Variants in KIAA1671 observed in about 807,000 individuals in gnomAD.
KIAA1671 encodes KIAA1671.
KIAA1671 carries 52 observed loss-of-function variants against 131.2 expected under a neutral mutation model. The ratio of observed to expected loss-of-function variants is 0.40; its 90% CI spans 0.32 to 0.50. KIAA1671 has a LOEUF of 0.50. Ranked by LOEUF, KIAA1671 falls within the 20% of genes least tolerant of loss-of-function variation. The pLI, the probability that KIAA1671 is intolerant of heterozygous loss-of-function variation, is 0.73. For synonymous variants in KIAA1671, 1,003 were observed against 961.6 expected, an observed-to-expected ratio of 1.04 and a Z score of -0.80; for missense variants, 2,360 against 2,364.2, an observed-to-expected ratio of 1.00 and a Z score of 0.04.
chr22:25,016,308 C>T (rs1035562433), intron 1 of KIAA1671, among the ~76,000 whole-genome samples: 10 of 152,290 alleles, frequency 6.6e-5, no homozygotes, highest in South Asian at 2.1e-4. Context: ...CGTGAGCCAC[C>T]GTGCCCAGCC....
intron 1 of KIAA1671, among the ~76,000 whole-genome samples, chr22:25,002,401 A>G (rs1234252588): frequency 1.3e-5 from 2 of 152,080 alleles, no homozygotes; most frequent in Non-Finnish European, 2.9e-5. Flanking sequence ...AGCTATATAC[A>G]ATGTTAACAA....
intron 6 of KIAA1671, among the ~76,000 whole-genome samples, chr22:25,114,142 C>G (rs973666294): frequency 1.5e-4 from 23 of 152,178 alleles, no homozygotes; most frequent in African/African-American, 5.3e-4. Context: ...GTCGAGATGC[C>G]ACCAAGAGTG....
intron 6 of KIAA1671, among the ~76,000 whole-genome samples, chr22:25,138,471 CT>C (rs1932756488): frequency 6.6e-6 from 1 of 152,190 alleles, no homozygotes. Context: ...TCAACATGAT[CT>C]TTATCAATTC....
At chr22:25,190,370 C>T (rs556480773) in intron 11 of KIAA1671, among the ~76,000 whole-genome samples, 49 of 152,296 alleles carry the variant, frequency 3.2e-4, no homozygotes, top group African/African-American at 1.2e-3. Flanking sequence ...AGTGATGGAG[C>T]AGCTGTGAAT....
At chr22:25,184,698 C>T (rs1041198596) in intron 10 of KIAA1671, among the ~76,000 whole-genome samples, 2 of 152,032 alleles carry the variant, frequency 1.3e-5, no homozygotes, top group African/African-American at 4.8e-5. Context: ...GGTGGCATGC[C>T]GTGTGCTGAG....
At chr22:24,990,381 T>C (rs1381872935) in intron 1 of KIAA1671, among the ~76,000 whole-genome samples, 1 of 152,164 alleles carries the variant, frequency 6.6e-6, no homozygotes, top group Non-Finnish European at 1.5e-5. Flanking sequence ...GTGAGCCACC[T>C]TGCCTGGCCT....
At chr22:24,976,751 G>A (rs1253364409) in intron 1 of KIAA1671, among the ~76,000 whole-genome samples, 1 of 152,116 alleles carries the variant, frequency 6.6e-6, no homozygotes. Flanking sequence ...CTCTGGCTGG[G>A]CCTGAGACTG....
At chr22:25,104,958 G>T (rs1009288495) in intron 6 of KIAA1671, among the ~76,000 whole-genome samples, 56 of 152,172 alleles carry the variant, frequency 3.7e-4, no homozygotes, top group Non-Finnish European at 1.6e-4. Flanking sequence ...ACTGTCCAGG[G>T]AATGTTTGTT....
Position 25,039,904 on chromosome 22 carries a change from C to G in KIAA1671, c.2774C>G (p.Ala925Gly). Residue 925 changes from alanine (A) to glycine (G), a missense_variant, in exon 5 of 13, where the codon GCC becomes GGC. Transcript: ENST00000358431. ...GCCAGGGAGGGTGATCCAGGGCCGGCCCAGGTGCCACAGCCTGCAGTCAGA... is the reference window on the plus strand; with the variant it reads ...GCCAGGGAGGGTGATCCAGGGCCGGGCCAGGTGCCACAGCCTGCAGTCAGA... ...VAAREGDPGP[A>G]QVPQPAVRMR... The G allele has an allele frequency of 6.4e-7, 1 of 1,551,560 alleles. No homozygotes were observed. The highest frequency in any genetic ancestry group is 8.7e-7 in the Non-Finnish European group (1 of 1,146,980).
At chr22:25,108,933 CA>C (rs1431228171) in intron 6 of KIAA1671, among the ~76,000 whole-genome samples, 2 of 152,152 alleles carry the variant, frequency 1.3e-5, no homozygotes, top group African/African-American at 4.8e-5. Flanking sequence ...CTCACATGGC[CA>C]GCAACTGGTG....
At position 25,028,154 on chromosome 22, in the gene KIAA1671, G is replaced by C; in HGVS notation, c.155G>C (p.Ser52Thr). Reference sequence around the variant, plus strand: ...CCAGCCCGGATCTTGGAAGCGAAGAGCCCCCTGCGGAGCCCGGCCCGGTTA... The same window carrying C: ...CCAGCCCGGATCTTGGAAGCGAAGACCCCCCTGCGGAGCCCGGCCCGGTTA... Reference protein sequence around the residue: ...APPARILEAKSPLRSPARLLP... With the variant: ...APPARILEAKTPLRSPARLLP... The change falls in exon 3 of 13, where the codon AGC becomes ACC. Residue 52 changes from serine to threonine, a missense_variant. By Grantham distance (58) the Ser-to-Thr change is moderately conservative. Coordinates refer to ENST00000358431, the MANE Select transcript of KIAA1671 (RefSeq NM_001145206.2). 1 of 1,550,740 alleles carries C rather than the reference G, an allele frequency of 6.4e-7. No homozygotes were observed. Among genetic ancestry groups the C allele is most frequent in the East Asian group, 2.4e-5 (1 of 40,884 alleles).
chr22:25,041,846 G>A (rs947924686), intron 5 of KIAA1671, among the ~76,000 whole-genome samples: 29 of 152,304 alleles, frequency 1.9e-4, no homozygotes, highest in Middle Eastern at 3.4e-3. Context: ...CTGGGCTCAA[G>A]CCATCCTCCC....
chr22:25,000,281 C>T, intron 1 of KIAA1671, among the ~76,000 whole-genome samples: 1 of 88,010 alleles, frequency 1.1e-5, no homozygotes, highest in Non-Finnish European at 2.3e-5. Flanking sequence ...GCAAGCTCCG[C>T]CTCCCGGGTT....
chr22:25,113,394 T>C (rs1333554477), intron 6 of KIAA1671, among the ~76,000 whole-genome samples: 1 of 152,220 alleles, frequency 6.6e-6, no homozygotes, highest in Non-Finnish European at 1.5e-5. Context: ...TTCTGCCACC[T>C]GACTGTGTTG....
chr22:25,029,555 C>T lies in KIAA1671; in HGVS notation c.1541+15C>T. On this transcript the variant is annotated intron_variant, in intron 3 of 12. Coordinates refer to ENST00000358431, the MANE Select transcript of KIAA1671 (RefSeq NM_001145206.2). ...TTGACCAAATTGTAAGTAGGCACAT[C>T]CCACACCCCTCTCTCAGCCGCCCAC... 3 of 1,499,174 alleles carry T rather than the reference C, an allele frequency of 2.0e-6. No individual in the cohort carries two copies. The South Asian group carries it at 3.9e-5, about 19-fold the overall frequency. 92.9% of individuals were successfully genotyped at this position (1,499,174 alleles called of 1,614,324 possible).
At chr22:25,011,789 C>T (rs974387265) in intron 1 of KIAA1671, 4 of 152,046 alleles carry the variant, frequency 2.6e-5, no homozygotes, top group African/African-American at 9.7e-5. Flanking sequence ...AGGTGTCTGC[C>T]ACCATGCCTG....
intron 6 of KIAA1671, chr22:25,064,943 A>T (rs1360053183): frequency 1.3e-5 from 2 of 152,198 alleles, no homozygotes; most frequent in Admixed American, 1.3e-4. Context: ...TGAGGAAGAC[A>T]GGCCATCCTC....
At chr22:25,160,405 T>C (rs1217287280) in intron 6 of KIAA1671, among the ~76,000 whole-genome samples, 4 of 152,172 alleles carry the variant, frequency 2.6e-5, no homozygotes, top group African/African-American at 9.7e-5. Context: ...ACTCTTGCCC[T>C]GTGTCTCTCT....
intron 1 of KIAA1671, among the ~76,000 whole-genome samples, chr22:25,007,644 G>GTCCACCAGTCCA (rs1414916833): frequency 3.3e-5 from 5 of 152,148 alleles, no homozygotes; most frequent in African/African-American, 4.8e-5. Context: ...CCAGTGCCAT[G>GTCCACCAGTCCA]TCAGTTTATC....
Sources: allele counts gnomAD v4.1 joint callset (sites outside exome capture counted in the v4.1 genomes callset), GRCh38; gene constraint gnomAD v4.1.1; transcripts MANE v1.5; gene names NCBI Gene and HGNC (gene_info 2026-07-23, HGNC 2026-07-21).